The following APP variants were observed in gnomAD, a reference collection of about 807,000 sequenced individuals.
APP encodes amyloid-beta precursor protein.
In APP, 31 loss-of-function variants were observed where a neutral mutation model predicts 101.4. The observed-to-expected ratio is 0.31, with a 90% CI of 0.23 to 0.41. The LOEUF (loss-of-function observed/expected upper bound fraction) is 0.41, where lower values mean the gene tolerates loss of function less well. APP is among the 10% of genes least tolerant of loss of function. APP has a pLI of 1.00. For synonymous variants in APP, 366 were observed against 364.4 expected, an observed-to-expected ratio of 1.00 and a Z score of -0.05; for missense variants, 839 against 1,003.7, an observed-to-expected ratio of 0.84 and a Z score of 2.22.
chr21:26,166,394 AT>A (rs1169465479), intron 1 of APP, among the ~76,000 whole-genome samples: 1 of 152,080 alleles, frequency 6.6e-6, no homozygotes. Context: ...AAAAGACGGC[AT>A]TTCCCATCCA....
chr21:26,085,064 A>C (rs2061676003), intron 3 of APP, among the ~76,000 whole-genome samples: 1 of 152,258 alleles, frequency 6.6e-6, no homozygotes, highest in Non-Finnish European at 1.5e-5. Flanking sequence ...TGCTTAAATA[A>C]AATCAAAATC....
chr21:25,946,511 C>T (rs2146454354), intron 13 of APP, among the ~76,000 whole-genome samples: 1 of 152,012 alleles, frequency 6.6e-6, no homozygotes, highest in South Asian at 2.1e-4. Flanking sequence ...ACTAAAAATA[C>T]AAAAATTAGC....
chr21:25,910,546 G>T (rs538831496), intron 14 of APP, among the ~76,000 whole-genome samples: 2 of 152,274 alleles, frequency 1.3e-5, no homozygotes, highest in East Asian at 3.9e-4. Context: ...AGAAATCAAG[G>T]TGTTTGTGTG....
At chr21:25,923,380 G>A (rs1211193112) in intron 13 of APP, among the ~76,000 whole-genome samples, 1 of 148,402 alleles carries the variant, frequency 6.7e-6, no homozygotes. Flanking sequence ...ATGGACAAAT[G>A]GGATCTAATT....
intron 12 of APP, among the ~76,000 whole-genome samples, chr21:25,955,331 T>C (rs1381726651): frequency 6.6e-6 from 1 of 152,218 alleles, no homozygotes; most frequent in African/African-American, 2.4e-5. Context: ...GTTTTCAAGA[T>C]TTTAGTTTAT....
intron 6 of APP, among the ~76,000 whole-genome samples, chr21:26,010,213 CAAAA>C (rs74265002): frequency 1.2e-5 from 1 of 80,170 alleles, no homozygotes; most frequent in African/African-American, 4.2e-5. Flanking sequence ...TCCTTTTGAA[CAAAA>C]AAAAAAAAAA....
rs369094590 is a variant in APP, at chr21:26,053,846, A to G, written c.356-498T>C. On this transcript the variant is annotated intron_variant, in intron 3 of 17. Transcript: ENST00000346798. ...AAGTGTATTTTATATATATGTTTAC[A>G]TAACACACATAAGAGAGAGAGAGTT... 1.4e-4 allele frequency among the ~76,000 whole-genome samples: 21 copies of G among 152,374 alleles called. 1 individual carries two copies. In the South Asian group the frequency reaches 2.1e-3, roughly 15 times the overall value.
intron 1 of APP, among the ~76,000 whole-genome samples, chr21:26,168,383 GA>G (rs1246356179): frequency 1.3e-5 from 2 of 152,150 alleles, no homozygotes; most frequent in African/African-American, 4.8e-5. Flanking sequence ...TCAGTAGACT[GA>G]ATTACCTACC....
At chr21:26,080,785 GA>G (rs959072893) in intron 3 of APP, among the ~76,000 whole-genome samples, 4 of 144,398 alleles carry the variant, frequency 2.8e-5, no homozygotes, top group African/African-American at 5.1e-5. Context: ...AAAAAAAAAA[GA>G]AAAAAAAATC....
Position 25,914,617 on chromosome 21 carries a change from A to G in APP, c.1688-2655T>C, listed in dbSNP as rs111262630. Among the ~76,000 whole-genome samples, 946 of 141,526 alleles carry G rather than the reference A, an allele frequency of 6.7e-3. 10 individuals are homozygous for G. The highest frequency in any genetic ancestry group is 0.019 in the African/African-American group (691 of 36,164). 92.8% of individuals were successfully genotyped at this position (141,526 alleles called of 152,430 possible). ...CGCCCAGGCTGGAGTGCAGTGGCGCAATCTCGGCTCACTGCAAGCTCCGCC... is the reference window on the plus strand; with the variant it reads ...CGCCCAGGCTGGAGTGCAGTGGCGCGATCTCGGCTCACTGCAAGCTCCGCC... On this transcript the variant is annotated intron_variant, in intron 13 of 17. Coordinates refer to ENST00000346798, the MANE Select transcript of APP (RefSeq NM_000484.4).
intron 17 of APP, among the ~76,000 whole-genome samples, chr21:25,886,500 T>C (rs1034665551): frequency 2.0e-5 from 3 of 152,046 alleles, no homozygotes; most frequent in African/African-American, 7.2e-5. Flanking sequence ...TTCAAGCGAT[T>C]CTCCTGCCTC....
rs550832810 is a variant in APP at position 26,076,526 on chromosome 21, A to C, written c.355+13417T>G. The stretch of plus-strand genomic sequence containing the variant: ...ATAAACATGCTTCTAGAGTAAAAAC[A>C]ATCACAAGTACAAACCTCTACAACA... On this transcript the variant is annotated intron_variant, in intron 3 of 17. Transcript: ENST00000346798. Among the ~76,000 whole-genome samples the C allele has an allele frequency of 9.2e-5, 14 of 152,340 alleles. No homozygotes were observed. In the South Asian group the frequency reaches 2.9e-3, roughly 32 times the overall value.
intron 2 of APP, among the ~76,000 whole-genome samples, chr21:26,105,525 TA>T (rs150438417): frequency 0.097 from 14,166 of 146,468 alleles, 888 homozygotes; most frequent in Admixed American, 0.15. Flanking sequence ...AACATGAAGT[TA>T]AAAAAAAAAG....
intron 13 of APP, among the ~76,000 whole-genome samples, chr21:25,916,840 T>C (rs1007387404): frequency 1.3e-5 from 2 of 152,244 alleles, no homozygotes. Flanking sequence ...TTGAACCTTG[T>C]AGTTAACAGT....
chr21:26,118,505 A>G (rs1032603816), intron 1 of APP, among the ~76,000 whole-genome samples: 1 of 152,130 alleles, frequency 6.6e-6, no homozygotes, highest in Non-Finnish European at 1.5e-5. Flanking sequence ...CGAGATGTAA[A>G]AAGTTCATCT....
intron 11 of APP, among the ~76,000 whole-genome samples, chr21:25,956,718 T>C (rs2041337796): frequency 6.6e-6 from 1 of 152,118 alleles, no homozygotes; most frequent in Non-Finnish European, 1.5e-5. Context: ...CCAGAGATGG[T>C]GTGTGTGGTG....
In APP at chr21:25,919,895, C is replaced by T. The variant is rs1307695724; in HGVS notation, c.1688-7933G>A. ...CAGAGAACGCCACAAAGATACTCCTCGAGAAGAGCAACTCCAAGACACGTA... is the reference window on the plus strand; with the variant it reads ...CAGAGAACGCCACAAAGATACTCCTTGAGAAGAGCAACTCCAAGACACGTA... On this transcript the variant is annotated intron_variant, in intron 13 of 17. Coordinates refer to ENST00000346798, the MANE Select transcript of APP (RefSeq NM_000484.4). Among the ~76,000 whole-genome samples the T allele has an allele frequency of 9.5e-3, 976 of 103,142 alleles. 13 individuals are homozygous for T. Among genetic ancestry groups the T allele is most frequent in the African/African-American group, 0.042 (929 of 22,318 alleles). 67.7% of individuals were successfully genotyped at this position (103,142 alleles called of 152,430 possible).
chr21:26,052,929 C>A (rs981044782), intron 4 of APP, among the ~76,000 whole-genome samples: 1 of 152,106 alleles, frequency 6.6e-6, no homozygotes. Flanking sequence ...TTGCGAAACA[C>A]GGCACAGGCA....
At chr21:25,895,828 GAATA>G (rs2038006848) in intron 16 of APP, among the ~76,000 whole-genome samples, 1 of 152,108 alleles carries the variant, frequency 6.6e-6, no homozygotes, top group South Asian at 2.1e-4. Flanking sequence ...AGGTAATCAG[GAATA>G]AATACAAGTC....
Sources: allele counts gnomAD v4.1 joint callset (sites outside exome capture counted in the v4.1 genomes callset), GRCh38; gene constraint gnomAD v4.1.1; transcripts MANE v1.5; gene names NCBI Gene and HGNC (gene_info 2026-07-23, HGNC 2026-07-21).